The following ELP4 variants were observed in gnomAD, a reference collection of about 807,000 sequenced individuals.
The protein encoded by ELP4 is elongator complex protein 4.
Under a neutral mutation model 48.9 loss-of-function variants are expected in ELP4, and 51 were observed. The observed-to-expected ratio is 1.04, with a 90% CI of 0.83 to 1.32. The LOEUF (loss-of-function observed/expected upper bound fraction) is 1.32, where lower values mean the gene tolerates loss of function less well. ELP4 is among the 40% of genes most tolerant of loss of function. The pLI is 0.00. For missense variants in ELP4, 519 were observed against 514.6 expected, an observed-to-expected ratio of 1.01 and a Z score of -0.08; for synonymous variants, 210 against 189.2, an observed-to-expected ratio of 1.11 and a Z score of -0.90.
chr11:31,549,590 G>C (rs1431648492), intron 3 of ELP4, among the ~76,000 whole-genome samples: 1 of 151,716 alleles, frequency 6.6e-6, no homozygotes, highest in Non-Finnish European at 1.5e-5. Context: ...GATTCCTCAG[G>C]GATCTAGAAC....
chr11:31,600,987 C>T (rs1232186), intron 4 of ELP4, among the ~76,000 whole-genome samples: 56,935 of 151,798 alleles, frequency 0.38, 12,049 homozygotes, highest in East Asian at 0.63. Flanking sequence ...CTTCCACAGA[C>T]GACAAAGTCA....
intron 9 of ELP4, among the ~76,000 whole-genome samples, chr11:31,764,348 C>T (rs1221880274): frequency 3.9e-5 from 6 of 152,130 alleles, no homozygotes; most frequent in African/African-American, 1.4e-4. Context: ...CTTACACCTC[C>T]CTTATTTAAC....
chr11:31,727,133 GA>G, intron 9 of ELP4, among the ~76,000 whole-genome samples: 1 of 150,748 alleles, frequency 6.6e-6, no homozygotes, highest in South Asian at 2.1e-4. Flanking sequence ...GGGCTCAAAA[GA>G]AAAAGAACTT....
chr11:31,747,053 GTT>G (rs936714019), intron 9 of ELP4, among the ~76,000 whole-genome samples: 1 of 151,266 alleles, frequency 6.6e-6, no homozygotes, highest in African/African-American at 2.4e-5. Context: ...GTGTGTGTGT[GTT>G]TGTGTGTGTC....
At chr11:31,521,985 CTTCTGGA>C (rs1956221241) in intron 2 of ELP4, among the ~76,000 whole-genome samples, 2 of 152,120 alleles carry the variant, frequency 1.3e-5, no homozygotes, top group South Asian at 2.1e-4. Context: ...ACAATATAAT[CTTCTGGA>C]AATTTGCCTA....
intron 3 of ELP4, among the ~76,000 whole-genome samples, chr11:31,563,863 A>T (rs985060488): frequency 1.6e-4 from 25 of 152,174 alleles, no homozygotes; most frequent in African/African-American, 6.0e-4. Flanking sequence ...ACAATACAGT[A>T]TGTTCTGTTT....
intron 6 of ELP4, chr11:31,628,514 G>C (rs546921595): frequency 6.6e-6 from 1 of 151,716 alleles, no homozygotes; most frequent in South Asian, 2.1e-4. Context: ...TATAGGAATA[G>C]AGTAAAACAT....
intron 2 of ELP4, among the ~76,000 whole-genome samples, chr11:31,520,685 T>C (rs999859291): frequency 6.6e-6 from 1 of 152,130 alleles, no homozygotes; most frequent in Non-Finnish European, 1.5e-5. Flanking sequence ...ATCTGTAACA[T>C]ATCTATTGTT....
chr11:31,603,844 C>T lies in ELP4; in HGVS notation c.590C>T (p.Ala197Val), dbSNP rs1341323732. ...SKRMPQELIE[A>V]SNWHGFFLPE... ...AGAATGCCACAAGAACTAATTGAGG[C>T]TTCAAATTGGCATGGATTTTTTCTT... The change falls in exon 5 of 10, where the codon GCT becomes GTT. Residue 197 changes from alanine (A) to valine (V), a missense_variant. Transcript: ENST00000640961. 1 of 1,611,420 alleles carries T rather than the reference C, an allele frequency of 6.2e-7. No individual in the cohort carries two copies. The highest frequency in any genetic ancestry group is 1.3e-5 in the African/African-American group (1 of 74,964).
intron 4 of ELP4, among the ~76,000 whole-genome samples, chr11:31,595,822 C>T (rs756154145): frequency 2.0e-5 from 3 of 152,092 alleles, no homozygotes; most frequent in South Asian, 2.1e-4. Flanking sequence ...ATTATAAGCT[C>T]GCAATATGAA....
At chr11:31,625,553 G>C (rs1425544115) in intron 5 of ELP4, among the ~76,000 whole-genome samples, 1 of 151,796 alleles carries the variant, frequency 6.6e-6, no homozygotes, top group Non-Finnish European at 1.5e-5. Context: ...GCCCAACACA[G>C]AAAGATGAAT....
intron 9 of ELP4, among the ~76,000 whole-genome samples, chr11:31,736,677 G>C: frequency 6.6e-6 from 1 of 152,194 alleles, no homozygotes; most frequent in Admixed American, 6.5e-5. Context: ...GATCTGAACA[G>C]ACACTTCTCA....
At chr11:31,582,400 TA>T (rs1385128944) in intron 3 of ELP4, among the ~76,000 whole-genome samples, 2 of 152,338 alleles carry the variant, frequency 1.3e-5, no homozygotes, top group African/African-American at 2.4e-5. Context: ...CAGTTCTGAT[TA>T]TTTTTTTCGC....
At chr11:31,558,419 G>A (rs1956962366) in intron 3 of ELP4, among the ~76,000 whole-genome samples, 4 of 152,152 alleles carry the variant, frequency 2.6e-5, no homozygotes, top group African/African-American at 2.4e-5. Flanking sequence ...GAGAACCATT[G>A]CTGCTATATT....
intron 9 of ELP4, among the ~76,000 whole-genome samples, chr11:31,781,300 A>G (rs181681991): frequency 1.5e-3 from 225 of 152,150 alleles, no homozygotes; most frequent in Admixed American, 2.8e-3. Context: ...CAGATTATGC[A>G]TGTATCCTGG....
chr11:31,640,213 AT>A lies in ELP4; in HGVS notation c.928-7527del, dbSNP rs562762393. Among the ~76,000 whole-genome samples the A allele has an allele frequency of 7.9e-5, 12 of 152,104 alleles. No homozygotes were observed. In the South Asian group the frequency reaches 2.5e-3, roughly 32 times the overall value. ...CTATCTTCTATATCACTTTTTGTGT[AT>A]AGAAAACAAGTACAACTTTATTTAA... On this transcript the variant is annotated intron_variant, in intron 7 of 9. Coordinates refer to ENST00000640961, the MANE Select transcript of ELP4 (RefSeq NM_019040.5).
intron 4 of ELP4, among the ~76,000 whole-genome samples, chr11:31,601,149 A>G (rs1001058861): frequency 1.3e-5 from 2 of 152,074 alleles, no homozygotes; most frequent in Non-Finnish European, 2.9e-5. Context: ...TTTGTAGATG[A>G]TAATTATTTT....
At chr11:31,617,161 GCAAATGTC>G (rs752139427) in intron 5 of ELP4, among the ~76,000 whole-genome samples, 1 of 152,000 alleles carries the variant, frequency 6.6e-6, no homozygotes, top group Non-Finnish European at 1.5e-5. Context: ...TGATAGTAGT[GCAAATGTC>G]CACCAACTGA....
intron 9 of ELP4, among the ~76,000 whole-genome samples, chr11:31,683,264 G>A (rs1946092313): frequency 6.6e-6 from 1 of 152,066 alleles, no homozygotes; most frequent in African/African-American, 2.4e-5. Flanking sequence ...CTCTTTAGGA[G>A]CTTTTATGGT....
Sources: allele counts gnomAD v4.1 joint callset (sites outside exome capture counted in the v4.1 genomes callset), GRCh38; gene constraint gnomAD v4.1.1; transcripts MANE v1.5; gene names NCBI Gene and HGNC (gene_info 2026-07-23, HGNC 2026-07-21).